Variants in RIN2 observed in about 807,000 individuals in gnomAD.
RIN2 encodes Ras and Rab interactor 2, also known as RAB5 interacting protein 2.
In RIN2, 36 loss-of-function variants were observed where a neutral mutation model predicts 78.0. That is an observed-to-expected ratio of 0.46 (90% CI 0.35 to 0.61). RIN2 has a LOEUF of 0.61. Among genes scored for constraint, RIN2 ranks in the 20% least tolerant of loss-of-function variants. The pLI, the probability that RIN2 is intolerant of heterozygous loss-of-function variation, is 0.00. For missense variants in RIN2, 1,087 were observed against 1,159.7 expected (o/e 0.94, Z 0.91); for synonymous variants, 466 against 466.8 (o/e 1.00, Z 0.02).
chr20:19,922,983 C>T (rs575940566), intron 3 of RIN2, among the ~76,000 whole-genome samples: 12 of 152,336 alleles, frequency 7.9e-5, no homozygotes, highest in African/African-American at 2.2e-4. Flanking sequence ...CAACCTTGGA[C>T]GCAGCCTTCA....
chr20:19,960,811 A>G lies in RIN2; in HGVS notation c.463A>G (p.Thr155Ala), dbSNP rs1368507317. Residue 155 changes from threonine (T) to alanine (A), a missense_variant and splice_region_variant, in exon 6 of 13, where the codon ACC becomes GCC. Coordinates refer to ENST00000255006, the MANE Select transcript of RIN2 (RefSeq NM_018993.4). ...KEFAIKESTY[T>A]FSLEGSGISF... The stretch of plus-strand genomic sequence containing the variant: ...ATTTGCCATAAAGGAAAGCACATAC[A>G]GTAAGTGGTCATTGGATGCTCAGGT... 2 of 1,575,770 alleles carry G rather than the reference A, an allele frequency of 1.3e-6. No homozygotes were observed. Among genetic ancestry groups the G allele is most frequent in the Non-Finnish European group, 1.7e-6 (2 of 1,155,654 alleles).
intron 4 of RIN2, among the ~76,000 whole-genome samples, chr20:19,937,279 G>A (rs2040684039): frequency 6.6e-6 from 1 of 152,208 alleles, no homozygotes; most frequent in South Asian, 2.1e-4. Context: ...GGAGAGGAGG[G>A]AAGAGGAAAG....
Position 19,996,643 on chromosome 20 carries a change from G to A in RIN2, c.2201-36G>A, listed in dbSNP as rs1444270812. ...CTGTTATCACCCGTGAGCGGAGGTT[G>A]GCACTGGGAGGACCCACTCTTTCTG... On this transcript the variant is annotated intron_variant, in intron 11 of 12. Coordinates refer to ENST00000255006, the MANE Select transcript of RIN2 (RefSeq NM_018993.4). 3 of 1,611,432 alleles carry A rather than the reference G, an allele frequency of 1.9e-6. No homozygotes were observed. The South Asian group carries it at 3.3e-5, about 18-fold the overall frequency.
chr20:19,836,488 C>A (rs2036422433), intron 2 of RIN2, among the ~76,000 whole-genome samples: 1 of 152,154 alleles, frequency 6.6e-6, no homozygotes, highest in Non-Finnish European at 1.5e-5. Flanking sequence ...TAACTTAATT[C>A]CTCACAGTTA....
chr20:19,880,732 A>G (rs776796238), intron 2 of RIN2, among the ~76,000 whole-genome samples: 3 of 152,092 alleles, frequency 2.0e-5, no homozygotes, highest in Non-Finnish European at 2.9e-5. Context: ...AATCCTATGC[A>G]CTTACTCATT....
intron 1 of RIN2, among the ~76,000 whole-genome samples, chr20:19,780,875 T>C (rs2034477360): frequency 6.6e-6 from 1 of 152,258 alleles, no homozygotes; most frequent in Non-Finnish European, 1.5e-5. Flanking sequence ...ACTCAGCATT[T>C]GTGCTGTGGC....
At chr20:19,982,939 G>A (rs2042506587) in intron 9 of RIN2, among the ~76,000 whole-genome samples, 1 of 152,174 alleles carries the variant, frequency 6.6e-6, no homozygotes, top group Admixed American at 6.5e-5. Flanking sequence ...AGATCCACCT[G>A]CCAGTGGTGA....
chr20:19,848,713 T>C (rs562568349), intron 2 of RIN2, among the ~76,000 whole-genome samples: 3 of 152,100 alleles, frequency 2.0e-5, no homozygotes, highest in Admixed American at 1.3e-4. Flanking sequence ...CTTGAAAAGG[T>C]TGATGATGGA....
At chr20:19,864,689 A>T (rs565442020) in intron 2 of RIN2, among the ~76,000 whole-genome samples, 1 of 152,320 alleles carries the variant, frequency 6.6e-6, no homozygotes, top group East Asian at 1.9e-4. Flanking sequence ...TCAAAGCAGG[A>T]TGGGTACAAG....
intron 3 of RIN2, among the ~76,000 whole-genome samples, chr20:19,897,389 G>A (rs1199045616): frequency 4.6e-5 from 7 of 152,070 alleles, no homozygotes; most frequent in Non-Finnish European, 4.4e-5. Context: ...GATTACAGGT[G>A]AGTGTCACCG....
At chr20:19,915,534 GTC>G (rs1369607345) in intron 3 of RIN2, among the ~76,000 whole-genome samples, 1 of 152,212 alleles carries the variant, frequency 6.6e-6, no homozygotes, top group African/African-American at 2.4e-5. Context: ...AGCACTCACA[GTC>G]TCTGCTCCAT....
intron 3 of RIN2, among the ~76,000 whole-genome samples, chr20:19,904,239 AAATATAT>A (rs970957550): frequency 6.0e-5 from 7 of 116,224 alleles, no homozygotes; most frequent in Admixed American, 2.5e-4. Context: ...CTCAAAAAAA[AAATATAT>A]ATATATATAT....
chr20:19,866,198 A>C (rs1259236556), intron 2 of RIN2, among the ~76,000 whole-genome samples: 1 of 152,022 alleles, frequency 6.6e-6, no homozygotes, highest in Non-Finnish European at 1.5e-5. Flanking sequence ...TGTGCAGTTC[A>C]CAATAGGGTT....
In RIN2 at chr20:19,990,150, C is replaced by T. The variant is rs1226833581; in HGVS notation, c.1907C>T (p.Pro636Leu). Residue 636 changes from proline to leucine, a missense_variant, in exon 10 of 13, where the codon CCG becomes CTG. By Grantham distance (98) the Pro-to-Leu change is moderately conservative. Coordinates refer to ENST00000255006, the MANE Select transcript of RIN2 (RefSeq NM_018993.4). The stretch of plus-strand genomic sequence containing the variant: ...CTGCAGCTTGTGCGGCAGAGGAATC[C>T]GCAGGAGCTGGGGGTCTTCGCCCCG... ...ENLQLVRQRN[P>L]QELGVFAPTP... is the part of the protein sequence containing the mutation. 3.1e-6 allele frequency: 5 copies of T among 1,603,140 alleles called. No homozygotes were observed. The highest frequency in any genetic ancestry group is 2.2e-5 in the South Asian group (2 of 88,954).
intron 4 of RIN2, among the ~76,000 whole-genome samples, chr20:19,952,681 T>C (rs995077729): frequency 3.7e-4 from 57 of 152,174 alleles, no homozygotes; most frequent in Non-Finnish European, 6.8e-4. Context: ...AAGGAAGATA[T>C]GTCAACGTGT....
chr20:19,956,556 C>A, intron 4 of RIN2, 59 bp from the exon 5 acceptor site: 1 of 1,531,752 alleles, frequency 6.5e-7, no homozygotes, highest in Non-Finnish European at 8.9e-7. Context: ...TAGGGACGGT[C>A]TCCTTGTTAG....
At chr20:19,908,428 G>T (rs908899656) in intron 3 of RIN2, among the ~76,000 whole-genome samples, 7 of 151,170 alleles carry the variant, frequency 4.6e-5, no homozygotes, top group Non-Finnish European at 8.8e-5. Context: ...GAGGCGGAGC[G>T]TGCATTGAGC....
Position 19,816,031 on chromosome 20 carries a change from G to A in RIN2, c.-37+16284G>A, listed in dbSNP as rs575941644. On this transcript the variant is annotated intron_variant, in intron 2 of 12. Coordinates refer to ENST00000255006, the MANE Select transcript of RIN2 (RefSeq NM_018993.4). ...CTTCTGCCTTCAAGAAACAGACATT[G>A]ATCACAGCCCCTTGCCAGTGGCATA... Among the ~76,000 whole-genome samples the A allele has an allele frequency of 1.9e-3, 297 of 152,352 alleles. 1 individual carries two copies. Among genetic ancestry groups the A allele is most frequent in the African/African-American group, 6.9e-3 (286 of 41,582 alleles).
chr20:19,963,039 C>T (rs1052109169), intron 6 of RIN2, among the ~76,000 whole-genome samples: 1 of 152,164 alleles, frequency 6.6e-6, no homozygotes, highest in African/African-American at 2.4e-5. Flanking sequence ...TATTTGGAAA[C>T]AATGCTTTCA....
Sources: allele counts gnomAD v4.1 joint callset (sites outside exome capture counted in the v4.1 genomes callset), GRCh38; gene constraint gnomAD v4.1.1; transcripts MANE v1.5; gene names NCBI Gene and HGNC (gene_info 2026-07-23, HGNC 2026-07-21).